The following P2RY12 variants were observed in gnomAD, a reference collection of about 807,000 sequenced individuals.
P2RY12 encodes purinergic receptor P2Y12, also known as P2Y purinoceptor 12.
In P2RY12, 3 loss-of-function variants were observed where a neutral mutation model predicts 4.5. The ratio of observed to expected loss-of-function variants is 0.67; its 90% CI spans 0.31 to 1.74. The LOEUF (loss-of-function observed/expected upper bound fraction) is 1.74, where lower values mean the gene tolerates loss of function less well. Among genes scored for constraint, P2RY12 ranks in the 40% most tolerant of loss-of-function variants. P2RY12 has a pLI of 0.09. For synonymous variants in P2RY12, 148 were observed against 154.1 expected (o/e 0.96, Z 0.29); for missense variants, 356 against 407.8 (o/e 0.87, Z 1.09).
intron 1 of P2RY12, among the ~76,000 whole-genome samples, chr3:151,367,344 G>A (rs1201100356): frequency 6.6e-6 from 1 of 152,028 alleles, no homozygotes; most frequent in Non-Finnish European, 1.5e-5. Context: ...TTTTAATGAT[G>A]TTACATCTTG....
chr3:151,372,915 CA>C, intron 1 of P2RY12: 1 of 608,734 alleles, frequency 1.6e-6, no homozygotes, highest in East Asian at 2.8e-5. Flanking sequence ...TGAAAAGTTG[CA>C]AGAATTATTT....
At chr3:151,376,643 A>G (rs555608373) in intron 1 of P2RY12, among the ~76,000 whole-genome samples, 1 of 152,318 alleles carries the variant, frequency 6.6e-6, no homozygotes, top group Non-Finnish European at 1.5e-5. Flanking sequence ...GCTACTGAAT[A>G]TATATGCAGC....
At chr3:151,367,771 G>A in intron 1 of P2RY12, 1 of 1,600,756 alleles carries the variant, frequency 6.2e-7, no homozygotes, top group Non-Finnish European at 8.5e-7. Flanking sequence ...CAGCAGGTAA[G>A]GCAGCATCCA....
chr3:151,375,581 A>AT (rs1227840866), intron 1 of P2RY12, among the ~76,000 whole-genome samples: 1 of 152,214 alleles, frequency 6.6e-6, no homozygotes, highest in East Asian at 1.9e-4. Context: ...TCATAATAGT[A>AT]TCAAAAAGGA....
chr3:151,364,201 C>T (rs1396964323), intron 1 of P2RY12, among the ~76,000 whole-genome samples: 1 of 152,162 alleles, frequency 6.6e-6, no homozygotes, highest in African/African-American at 2.4e-5. Flanking sequence ...TCAAATCTTT[C>T]TGCCAGTCTC....
At chr3:151,368,455 C>G (rs1021736653) in intron 1 of P2RY12, among the ~76,000 whole-genome samples, 1 of 151,934 alleles carries the variant, frequency 6.6e-6, no homozygotes, top group Non-Finnish European at 1.5e-5. Context: ...TTGAGAAATA[C>G]GAATCAAGAG....
intron 1 of P2RY12, among the ~76,000 whole-genome samples, chr3:151,372,359 C>G (rs1037871975): frequency 6.6e-6 from 1 of 152,164 alleles, no homozygotes; most frequent in Non-Finnish European, 1.5e-5. Flanking sequence ...GAGTCTTGAA[C>G]TTGCTTTTTC....
intron 1 of P2RY12, chr3:151,368,133 C>T: frequency 6.2e-7 from 1 of 1,607,282 alleles, no homozygotes; most frequent in Non-Finnish European, 8.5e-7. Context: ...CTTGCTTTTC[C>T]AATCCCCCTT....
At chr3:151,352,674 T>C (rs887149578) in intron 1 of P2RY12, among the ~76,000 whole-genome samples, 25 of 152,174 alleles carry the variant, frequency 1.6e-4, no homozygotes, top group African/African-American at 6.0e-4. Context: ...ATCAGCCAGG[T>C]CTTGCCTAGG....
rs145154986 is a variant in P2RY12, at chr3:151,358,052, T to C, written c.-179-17292A>G. On this transcript the variant is annotated intron_variant, in intron 1 of 2. Transcript: ENST00000302632. ...AAGACAACCTGTTATTTCTTTCTCT[T>C]CAGTTTTTCCTTCTGAGCTCAAAAG... 5.3e-4 allele frequency among the ~76,000 whole-genome samples: 80 copies of C among 152,286 alleles called. 1 individual carries two copies. The East Asian group carries it at 0.014, about 27-fold the overall frequency.
chr3:151,382,616 A>C, intron 1 of P2RY12: 1 of 1,468,690 alleles, frequency 6.8e-7, no homozygotes, highest in Non-Finnish European at 9.4e-7. Flanking sequence ...AAATGAGAGA[A>C]AAATTAAACT....
intron 1 of P2RY12, chr3:151,368,259 G>C (rs1177340294): frequency 6.2e-7 from 1 of 1,610,076 alleles, no homozygotes; most frequent in African/African-American, 1.3e-5. Context: ...CGGGTGAGCT[G>C]ACTGCAGAAA....
chr3:151,370,437 G>A (rs1261602097), intron 1 of P2RY12, among the ~76,000 whole-genome samples: 1 of 152,146 alleles, frequency 6.6e-6, no homozygotes, highest in Non-Finnish European at 1.5e-5. Flanking sequence ...ATTTGGTGAT[G>A]ATGAGGAAGG....
intron 1 of P2RY12, among the ~76,000 whole-genome samples, chr3:151,366,781 A>G (rs953405193): frequency 6.6e-6 from 1 of 152,202 alleles, no homozygotes; most frequent in East Asian, 1.9e-4. Flanking sequence ...ATTTATGTAT[A>G]TAAAATTCAT....
intron 1 of P2RY12, chr3:151,365,142 A>G: frequency 5.0e-6 from 8 of 1,614,088 alleles, no homozygotes; most frequent in Non-Finnish European, 6.8e-6. Flanking sequence ...CAATGCGGCC[A>G]ATCGCTACAG....
chr3:151,347,983 A>G (rs1356465697), intron 1 of P2RY12, among the ~76,000 whole-genome samples: 5 of 152,158 alleles, frequency 3.3e-5, no homozygotes, highest in South Asian at 4.1e-4. Flanking sequence ...TGTGAGGAGC[A>G]CGTGGCTCTT....
chr3:151,339,973 A>G (rs1033173126), intron 2 of P2RY12, among the ~76,000 whole-genome samples: 16 of 152,304 alleles, frequency 1.1e-4, no homozygotes, highest in African/African-American at 3.6e-4. Flanking sequence ...CTTTCGTGTA[A>G]AAGATATTTA....
chr3:151,356,176 G>A, intron 1 of P2RY12: 1 of 853,710 alleles, frequency 1.2e-6, no homozygotes. Context: ...GAGGTAGGAG[G>A]ATTGCTTGAA....
chr3:151,384,240 A>T (rs764405400), intron 1 of P2RY12: 1 of 1,582,934 alleles, frequency 6.3e-7, no homozygotes, highest in Admixed American at 1.9e-5. Flanking sequence ...ATCAGCCTGT[A>T]TTATGAGCTC....
Sources: gnomAD v4.1 joint callset for allele counts (sites outside exome capture counted in the v4.1 genomes callset) on GRCh38, gnomAD v4.1.1 for gene constraint, MANE v1.5 for transcripts, NCBI Gene and HGNC (gene_info 2026-07-23, HGNC 2026-07-21) for gene names.